FNBP1: variants seen among roughly 807,000 people sequenced by gnomAD.
The protein encoded by FNBP1 is formin-binding protein 1.
A neutral mutation model predicts 90.6 loss-of-function variants in FNBP1; 26 were observed. The observed-to-expected ratio is 0.29, with a 90% confidence interval of 0.21 to 0.40. The LOEUF (loss-of-function observed/expected upper bound fraction) is 0.40, where lower values mean the gene tolerates loss of function less well. Ranked by LOEUF, FNBP1 falls within the 10% of genes least tolerant of loss-of-function variation. The probability of loss-of-function intolerance (pLI) is 1.00; values close to 1 mark genes in which losing one functional copy is unlikely to be tolerated. For synonymous variants in FNBP1, 260 were observed against 265.2 expected, an observed-to-expected ratio of 0.98 and a Z score of 0.19; for missense variants, 635 against 768.0, an observed-to-expected ratio of 0.83 and a Z score of 2.05.
In FNBP1 at chr9:129,979,181, TCTCTC is replaced by T. The variant is rs2050802299; in HGVS notation, c.197+132_197+136del. 5.4e-6 allele frequency: 3 copies of T among 559,456 alleles called. No individual in the cohort carries two copies. The African/African-American group carries it at 5.6e-5, about 10-fold the overall frequency. The allele number at this position is 559,456 out of a possible 1,614,324, so 34.7% of individuals were successfully genotyped here. A position where few individuals can be genotyped will look rare whatever the true frequency, so the allele number is the denominator to read the frequency against. ...GAAAAGTTAATTATGTTTTTATTGT[TCTCTC>T]CTCCAATTTAAAAACTGACACAAAA... On this transcript the variant is annotated intron_variant, in intron 3 of 16. Coordinates refer to ENST00000446176, the MANE Select transcript of FNBP1 (RefSeq NM_015033.3).
chr9:129,969,850 G>A (rs537310670), intron 4 of FNBP1, among the ~76,000 whole-genome samples: 3 of 148,692 alleles, frequency 2.0e-5, no homozygotes, highest in Non-Finnish European at 4.5e-5. Flanking sequence ...GAATCAAGAA[G>A]AATATAAATT....
chr9:129,898,861 C>A (rs1213045831), intron 15 of FNBP1, among the ~76,000 whole-genome samples: 1 of 151,760 alleles, frequency 6.6e-6, no homozygotes, highest in East Asian at 1.9e-4. Context: ...TGCATCCCCC[C>A]ACTTCATGGG....
chr9:129,953,132 A>G (rs1182445700), intron 6 of FNBP1, among the ~76,000 whole-genome samples: 2 of 152,320 alleles, frequency 1.3e-5, no homozygotes, highest in South Asian at 2.1e-4. Context: ...TATAAAACGA[A>G]TCTCAACAAA....
intron 1 of FNBP1, among the ~76,000 whole-genome samples, chr9:130,040,905 C>T (rs1373822622): frequency 6.6e-6 from 1 of 152,006 alleles, no homozygotes; most frequent in Non-Finnish European, 1.5e-5. Flanking sequence ...CTACTAACAA[C>T]CCAAATTATT....
chr9:130,036,065 C>G (rs2059286774), intron 1 of FNBP1, among the ~76,000 whole-genome samples: 1 of 152,028 alleles, frequency 6.6e-6, no homozygotes, highest in South Asian at 2.1e-4. Flanking sequence ...TAGGCTCAAG[C>G]TAGTATGAGT....
intron 6 of FNBP1, among the ~76,000 whole-genome samples, chr9:129,939,838 C>G (rs925320782): frequency 1.3e-5 from 2 of 151,972 alleles, no homozygotes; most frequent in Admixed American, 1.3e-4. Context: ...GGAAATAAAC[C>G]ACCATGAGAG....
chr9:130,027,089 A>G (rs935549243), intron 1 of FNBP1, among the ~76,000 whole-genome samples: 2 of 152,154 alleles, frequency 1.3e-5, no homozygotes, highest in African/African-American at 4.8e-5. Context: ...AAATGGCAAA[A>G]CCATATCTTA....
the FNBP1 span, among the ~76,000 whole-genome samples, chr9:130,052,881 G>A: frequency 6.6e-6 from 1 of 152,008 alleles, no homozygotes; most frequent in Non-Finnish European, 1.5e-5. Context: ...TTGGGAGGCC[G>A]AGGCGGGAGG....
At chr9:130,025,707 T>C (rs1002095365) in intron 1 of FNBP1, among the ~76,000 whole-genome samples, 6 of 152,206 alleles carry the variant, frequency 3.9e-5, no homozygotes, top group Admixed American at 1.3e-4. Context: ...GTGGATCACC[T>C]GAGGTCAGGA....
intron 11 of FNBP1, among the ~76,000 whole-genome samples, chr9:129,914,327 C>T (rs896837668): frequency 2.0e-5 from 3 of 152,078 alleles, no homozygotes; most frequent in Admixed American, 1.3e-4. Flanking sequence ...CACAAACCAC[C>T]GTGCCCAGCC....
rs71385491 is a variant in FNBP1, at chr9:129,948,356, C to CT, written c.513+9003dup. Among the ~76,000 whole-genome samples the CT allele has an allele frequency of 3.0e-3, 192 of 64,478 alleles. 16 individuals are homozygous for CT. Among genetic ancestry groups the CT allele is most frequent in the African/African-American group, 0.012 (172 of 14,222 alleles). The allele number at this position is 64,478 out of a possible 152,430, so 42.3% of individuals were successfully genotyped here. ...TCATACAAAACACCTATTTTGGTGT[C>CT]TTTTTTTTTTTTTTTTTTTTTTTTT... On this transcript the variant is annotated intron_variant, in intron 6 of 16. Coordinates refer to ENST00000446176, the MANE Select transcript of FNBP1 (RefSeq NM_015033.3).
At chr9:130,014,534 G>C (rs1048716972) in intron 1 of FNBP1, among the ~76,000 whole-genome samples, 2 of 152,146 alleles carry the variant, frequency 1.3e-5, no homozygotes, top group African/African-American at 4.8e-5. Context: ...TTACAGGCAT[G>C]AGCCACCGTG....
chr9:129,953,240 C>T (rs2046432809), intron 6 of FNBP1, among the ~76,000 whole-genome samples: 2 of 152,122 alleles, frequency 1.3e-5, no homozygotes, highest in South Asian at 4.1e-4. Context: ...AATCGCAGCA[C>T]TTTGGGAGGC....
rs2034814010 is a variant in FNBP1, at chr9:129,887,335, C to G, written c.*3204G>C. 5.0e-6 allele frequency: 1 copy of G among 198,792 alleles called. No homozygotes were observed. Among genetic ancestry groups the G allele is most frequent in the Non-Finnish European group, 1.0e-5 (1 of 95,922 alleles). The allele number at this position is 198,792 out of a possible 1,614,324, so 12.3% of individuals were successfully genotyped here. On this transcript the variant is annotated 3_prime_UTR_variant, in exon 17 of 17. Transcript: ENST00000446176. ...CTTTACAGTGGCGATCGGCCTCACA[C>G]AGCAAAATGCCTCCAAAGTTTAGAA...
At chr9:129,925,216 C>T in intron 8 of FNBP1, 59 bp from the exon 9 acceptor site, 1 of 1,416,966 alleles carries the variant, frequency 7.1e-7, no homozygotes, top group Non-Finnish European at 9.9e-7. Flanking sequence ...ACTTTTTAAA[C>T]AATGAATTGG....
chr9:129,932,531 G>A (rs1022369188), intron 6 of FNBP1, among the ~76,000 whole-genome samples: 7 of 152,066 alleles, frequency 4.6e-5, no homozygotes, highest in African/African-American at 9.7e-5. Context: ...CTATTCACAC[G>A]TGAACACTTC....
chr9:130,034,826 G>T (rs187300739), intron 1 of FNBP1, among the ~76,000 whole-genome samples: 1 of 152,154 alleles, frequency 6.6e-6, no homozygotes, highest in African/African-American at 2.4e-5. Flanking sequence ...GAGTGGTGGG[G>T]ATAAAGGGAA....
intron 7 of FNBP1, among the ~76,000 whole-genome samples, chr9:129,929,176 G>A (rs553602776): frequency 1.9e-3 from 287 of 152,122 alleles, no homozygotes; most frequent in African/African-American, 6.6e-3. Context: ...TTGGGAGGCC[G>A]AGGTAGGCAG....
At chr9:129,965,791 AGGGAGGGG>A (rs1235670781) in intron 4 of FNBP1, among the ~76,000 whole-genome samples, 43 of 133,354 alleles carry the variant, frequency 3.2e-4, no homozygotes, top group East Asian at 1.1e-3. Context: ...GGAAGGAGGG[AGGGAGGGG>A]GGAAGGAGGG....
Sources: gnomAD v4.1 joint callset for allele counts (sites outside exome capture counted in the v4.1 genomes callset) on GRCh38, gnomAD v4.1.1 for gene constraint, MANE v1.5 for transcripts, NCBI Gene and HGNC (gene_info 2026-07-23, HGNC 2026-07-21) for gene names.